Variants in PPFIA2 observed in about 807,000 individuals in gnomAD.
The protein encoded by PPFIA2 is PPFI scaffold protein A2.
In PPFIA2, 46 loss-of-function variants were observed where a neutral mutation model predicts 175.5. The observed-to-expected ratio is 0.26, with a 90% CI of 0.21 to 0.34. PPFIA2 has a LOEUF of 0.34. Ranked by LOEUF, PPFIA2 falls within the 10% of genes least tolerant of loss-of-function variation. PPFIA2 has a pLI of 1.00. For synonymous variants in PPFIA2, 568 were observed against 511.4 expected, an observed-to-expected ratio of 1.11 and a Z score of -1.49; for missense variants, 1,179 against 1,506.1, an observed-to-expected ratio of 0.78 and a Z score of 3.60.
At position 81,259,084 on chromosome 12, in the gene PPFIA2, A is replaced by G. The variant is rs1028503059; in HGVS notation, c.*610T>C. On this transcript the variant is annotated 3_prime_UTR_variant, in exon 33 of 33. Transcript: ENST00000549396. ...TCCAGGTTAAATCATTCTTTTTTAC[A>G]TGATCAGAGGCAGGTTGTTCAGCTT... The G allele has an allele frequency of 6.0e-6, 1 of 167,302 alleles. No homozygotes were observed. The highest frequency in any genetic ancestry group is 2.4e-5 in the African/African-American group (1 of 41,494). 10.4% of individuals were successfully genotyped at this position (167,302 alleles called of 1,614,324 possible).
chr12:81,367,210 A>G, intron 13 of PPFIA2, 40 bp from the exon 14 acceptor site: 1 of 1,202,970 alleles, frequency 8.3e-7, no homozygotes, highest in Non-Finnish European at 1.1e-6. Context: ...AATAAATTAA[A>G]CATAAAATAC....
intron 4 of PPFIA2, among the ~76,000 whole-genome samples, chr12:81,595,168 A>G (rs1355927450): frequency 6.6e-6 from 1 of 151,800 alleles, no homozygotes; most frequent in Non-Finnish European, 1.5e-5. Flanking sequence ...AAAGCTATGA[A>G]AGAACAAATG....
At chr12:81,758,321 T>C (rs2085009275) in intron 2 of PPFIA2, 79 bp downstream of exon 2, 1 of 446,240 alleles carries the variant, frequency 2.2e-6, no homozygotes, top group African/African-American at 2.0e-5. Context: ...TCATCTTCCC[T>C]GGGGGCGGGG....
chr12:81,638,590 G>A (rs1365656620), intron 4 of PPFIA2, among the ~76,000 whole-genome samples: 1 of 151,510 alleles, frequency 6.6e-6, no homozygotes, highest in Non-Finnish European at 1.5e-5. Flanking sequence ...TATAAATTTG[G>A]GATATGTACA....
At position 81,739,522 on chromosome 12, in the gene PPFIA2, A is replaced by G. The variant is rs2082075286; in HGVS notation, c.249+14451T>C. 2.6e-5 allele frequency among the ~76,000 whole-genome samples: 4 copies of G among 152,194 alleles called. 1 individual carries two copies. The South Asian group carries it at 8.3e-4, about 32-fold the overall frequency. ...TGATTTTATCTCCTTTATCTTAGAA[A>G]TAGATCATGAAATAATATTCTTATC... is the stretch of plus-strand genomic sequence containing the variant. On this transcript the variant is annotated intron_variant, in intron 3 of 32. Coordinates refer to ENST00000549396, the MANE Select transcript of PPFIA2 (RefSeq NM_003625.5).
chr12:81,386,064 G>T (rs1046578503), intron 8 of PPFIA2, among the ~76,000 whole-genome samples: 1 of 151,354 alleles, frequency 6.6e-6, no homozygotes, highest in Admixed American at 6.6e-5. Context: ...TGCTTGAGGC[G>T]ATGAATTTGA....
chr12:81,704,853 G>A (rs761551110), intron 3 of PPFIA2, among the ~76,000 whole-genome samples: 1 of 151,662 alleles, frequency 6.6e-6, no homozygotes, highest in Non-Finnish European at 1.5e-5. Context: ...GGAGGCCGAG[G>A]CAGGTGGATC....
chr12:81,420,356 G>C (rs185618771), intron 7 of PPFIA2, among the ~76,000 whole-genome samples: 4 of 152,146 alleles, frequency 2.6e-5, no homozygotes, highest in Admixed American at 2.6e-4. Context: ...TAAGTTGCCT[G>C]ACAGGGAATT....
chr12:81,561,439 T>C (rs980409774), intron 4 of PPFIA2, among the ~76,000 whole-genome samples: 16 of 151,978 alleles, frequency 1.1e-4, no homozygotes, highest in Non-Finnish European at 1.9e-4. Flanking sequence ...GTGAAGCAAA[T>C]AGAAATACAG....
chr12:81,597,108 T>C (rs1006939506), intron 4 of PPFIA2, among the ~76,000 whole-genome samples: 11 of 152,110 alleles, frequency 7.2e-5, no homozygotes, highest in African/African-American at 2.7e-4. Context: ...TCAGGCTGTC[T>C]ATATTTCCAT....
intron 4 of PPFIA2, among the ~76,000 whole-genome samples, chr12:81,574,925 G>C (rs2073240072): frequency 6.6e-6 from 1 of 151,636 alleles, no homozygotes; most frequent in Non-Finnish European, 1.5e-5. Context: ...TCATGGAATT[G>C]TATTAAAACT....
At chr12:81,263,181 T>C in intron 31 of PPFIA2, 50 bp downstream of exon 31, 1 of 1,491,742 alleles carries the variant, frequency 6.7e-7, no homozygotes, top group Non-Finnish European at 9.2e-7. Context: ...ATACTAGCTT[T>C]GGCTAAACAA....
chr12:81,425,649 C>T (rs543453191), intron 7 of PPFIA2, among the ~76,000 whole-genome samples: 5 of 152,296 alleles, frequency 3.3e-5, no homozygotes, highest in South Asian at 2.1e-4. Context: ...GCTGGGATTA[C>T]GGGCGTGAGC....
intron 4 of PPFIA2, among the ~76,000 whole-genome samples, chr12:81,648,909 A>G (rs1263027119): frequency 6.6e-6 from 1 of 152,056 alleles, no homozygotes; most frequent in East Asian, 1.9e-4. Context: ...TTAAAGAAAT[A>G]TAACTAGAAC....
intron 24 of PPFIA2, among the ~76,000 whole-genome samples, chr12:81,293,795 T>G (rs749786434): frequency 2.6e-5 from 4 of 152,164 alleles, no homozygotes; most frequent in Non-Finnish European, 5.9e-5. Flanking sequence ...ACTTAGTACC[T>G]ACCCAAAGGA....
intron 7 of PPFIA2, among the ~76,000 whole-genome samples, chr12:81,422,140 GTATATATATGTGTGTATATATATATA>G (rs1310519787): frequency 9.1e-5 from 6 of 65,880 alleles, no homozygotes; most frequent in Admixed American, 4.7e-4. Context: ...ATATATATGT[GTATATATATGTGTGTATATATATATA>G]TATATATGTC....
At chr12:81,715,914 A>AT (rs1047974526) in intron 3 of PPFIA2, among the ~76,000 whole-genome samples, 3 of 151,486 alleles carry the variant, frequency 2.0e-5, no homozygotes, top group African/African-American at 4.8e-5. Flanking sequence ...TTAATAAACA[A>AT]TTTTTTTAAA....
At position 81,384,009 on chromosome 12, in the gene PPFIA2, C is replaced by A. The variant is rs757329194; in HGVS notation, c.984+14G>T. On this transcript the variant is annotated intron_variant, in intron 9 of 32. Transcript: ENST00000549396. ...TTCAGAAATCAAAGACTGAAAGTGG[C>A]ATGAATCACTTACCTCCCTAATGTC... The A allele has an allele frequency of 6.3e-7, 1 of 1,579,514 alleles. No individual in the cohort carries two copies. Among genetic ancestry groups the A allele is most frequent in the East Asian group, 2.3e-5 (1 of 44,376 alleles).
intron 4 of PPFIA2, among the ~76,000 whole-genome samples, chr12:81,585,107 C>CATAAATATATAGCATATATAT (rs1461184885): frequency 1.6e-5 from 2 of 126,984 alleles, no homozygotes; most frequent in African/African-American, 6.0e-5. Flanking sequence ...GAATAAAAAG[C>CATAAATATATAGCATATATAT]ATAAATATAT....
Sources: allele counts gnomAD v4.1 joint callset (sites outside exome capture counted in the v4.1 genomes callset), GRCh38; gene constraint gnomAD v4.1.1; transcripts MANE v1.5; gene names NCBI Gene and HGNC (gene_info 2026-07-23, HGNC 2026-07-21).